Variants in C10orf90 observed in about 807,000 individuals in gnomAD.
The protein encoded by C10orf90 is chromosome 10 open reading frame 90.
In C10orf90, 56 loss-of-function variants were observed where a neutral mutation model predicts 62.5. The ratio of observed to expected loss-of-function variants is 0.90; its 90% CI spans 0.72 to 1.12. The LOEUF is 1.12. Among genes scored for constraint, C10orf90 ranks in the 50% most tolerant of loss-of-function variants. The probability of loss-of-function intolerance (pLI) is 0.00; values close to 1 mark genes in which losing one functional copy is unlikely to be tolerated. For synonymous variants in C10orf90, 386 were observed against 340.4 expected, an observed-to-expected ratio of 1.13 and a Z score of -1.47; for missense variants, 970 against 880.4, an observed-to-expected ratio of 1.10 and a Z score of -1.29.
rs935511560 is a variant in C10orf90, at chr10:126,453,279, G to A, written c.2188+5761C>T. On this transcript the variant is annotated intron_variant, in intron 7 of 9. Coordinates refer to ENST00000488181, the MANE Select transcript of C10orf90 (RefSeq NM_001350921.2). The surrounding 1 kb of genome is among the most constrained non-coding windows in gnomAD (Gnocchi z 4.9). Reference sequence around the variant, plus strand: ...GCAGCAGGGCCTCTCGCAGTGATTTGGTGTGGAGTATGCCCACCAGCTCTT... The same window carrying A: ...GCAGCAGGGCCTCTCGCAGTGATTTAGTGTGGAGTATGCCCACCAGCTCTT... Among the ~76,000 whole-genome samples the A allele has an allele frequency of 6.6e-6, 1 of 152,160 alleles. No homozygotes were observed. Among genetic ancestry groups the A allele is most frequent in the African/African-American group, 2.4e-5 (1 of 41,446 alleles).
chr10:126,564,836 A>C (rs1163265090), intron 2 of C10orf90, among the ~76,000 whole-genome samples: 4 of 3,854 alleles, frequency 1.0e-3, no homozygotes, highest in South Asian at 0.033. Flanking sequence ...CTCTCTCTAT[A>C]TATATATTAT....
At chr10:126,588,963 A>G (rs1489371131) in intron 2 of C10orf90, among the ~76,000 whole-genome samples, 1 of 152,186 alleles carries the variant, frequency 6.6e-6, no homozygotes, top group East Asian at 1.9e-4. Flanking sequence ...ATCATGATAA[A>G]ACAATACAGG....
At chr10:126,462,290 C>A (rs1293461453) in intron 5 of C10orf90, among the ~76,000 whole-genome samples, 1 of 152,134 alleles carries the variant, frequency 6.6e-6, no homozygotes, top group African/African-American at 2.4e-5. Flanking sequence ...CCACTACTTG[C>A]CTCACTGCAC....
intron 2 of C10orf90, among the ~76,000 whole-genome samples, chr10:126,579,255 A>ATTTC (rs200536716): frequency 1.2e-4 from 16 of 137,166 alleles, no homozygotes; most frequent in East Asian, 4.2e-4. Flanking sequence ...ACAAATCTAT[A>ATTTC]TTTCTTTCTT....
At chr10:126,429,207 G>A (rs1857432084) in intron 8 of C10orf90, among the ~76,000 whole-genome samples, 1 of 152,096 alleles carries the variant, frequency 6.6e-6, no homozygotes, top group Admixed American at 6.6e-5. Context: ...CATCAGATTG[G>A]TGAGAATTAG....
At position 126,599,846 on chromosome 10, in the gene C10orf90, C is replaced by T. The variant is rs150466337; in HGVS notation, c.313+46719G>A. On this transcript the variant is annotated intron_variant, in intron 2 of 9. Coordinates refer to ENST00000488181, the MANE Select transcript of C10orf90 (RefSeq NM_001350921.2). ...GTAATATCTGGATTACTTTTTCCATCCAGGAAAGCACTGGTGCGTTTTCAC... is the reference window on the plus strand; with the variant it reads ...GTAATATCTGGATTACTTTTTCCATTCAGGAAAGCACTGGTGCGTTTTCAC... 4.0e-3 allele frequency among the ~76,000 whole-genome samples: 611 copies of T among 152,296 alleles called. 3 individuals carry two copies. Among genetic ancestry groups the T allele is most frequent in the Non-Finnish European group, 7.5e-3 (513 of 68,036 alleles).
intron 2 of C10orf90, among the ~76,000 whole-genome samples, chr10:126,568,412 G>A (rs1167933066): frequency 1.3e-5 from 2 of 152,214 alleles, no homozygotes; most frequent in South Asian, 2.1e-4. Context: ...CTGCTCCTAG[G>A]GGTCTCCCTC....
At chr10:126,553,145 A>C (rs1254675405) in intron 2 of C10orf90, among the ~76,000 whole-genome samples, 1 of 152,212 alleles carries the variant, frequency 6.6e-6, no homozygotes, top group Non-Finnish European at 1.5e-5. Flanking sequence ...TCTGATTTTA[A>C]GAGAAAAAAG....
intron 4 of C10orf90, among the ~76,000 whole-genome samples, chr10:126,477,797 C>A (rs984913833): frequency 3.9e-5 from 6 of 152,190 alleles, no homozygotes; most frequent in African/African-American, 1.4e-4. Context: ...GCCATACATA[C>A]AATCTCTGCA....
intron 5 of C10orf90, among the ~76,000 whole-genome samples, chr10:126,462,065 G>A (rs1224930824): frequency 1.3e-5 from 2 of 152,108 alleles, no homozygotes; most frequent in Non-Finnish European, 2.9e-5. Flanking sequence ...TAATTGGGAT[G>A]ACTTCGCTTT....
intron 7 of C10orf90, among the ~76,000 whole-genome samples, chr10:126,450,373 GAC>G (rs1590923889): frequency 1.3e-5 from 2 of 152,116 alleles, no homozygotes; most frequent in East Asian, 3.9e-4. Flanking sequence ...ATCTGCAGAC[GAC>G]TCCAAATAGC....
intron 4 of C10orf90, among the ~76,000 whole-genome samples, chr10:126,500,397 A>G (rs1862307915): frequency 6.6e-6 from 1 of 152,216 alleles, no homozygotes; most frequent in South Asian, 2.1e-4. Context: ...GTGTTGTGTG[A>G]AAAATAAAGA....
At chr10:126,658,043 T>C (rs1846432049) in intron 1 of C10orf90, among the ~76,000 whole-genome samples, 1 of 152,200 alleles carries the variant, frequency 6.6e-6, no homozygotes, top group Admixed American at 6.5e-5. Flanking sequence ...ATTCACAGAC[T>C]TTGGGTGAAC....
At chr10:126,650,993 C>T (rs935480884) in intron 1 of C10orf90, among the ~76,000 whole-genome samples, 1 of 152,200 alleles carries the variant, frequency 6.6e-6, no homozygotes, top group Non-Finnish European at 1.5e-5. Flanking sequence ...ATCAACATCA[C>T]ATTGATCTAC....
At position 126,564,624 on chromosome 10, in the gene C10orf90, T is replaced by C. The variant is rs74373482; in HGVS notation, c.314-50685A>G. ...TGAAACCATAGCAACCTCCTCCATC[T>C]CATGTGGAAGTGGCCAGCCTTGCTC... On this transcript the variant is annotated intron_variant, in intron 2 of 9. Transcript: ENST00000488181. 1.3e-3 allele frequency among the ~76,000 whole-genome samples: 188 copies of C among 149,074 alleles called. 1 individual carries two copies. In the East Asian group the frequency reaches 0.026, roughly 21 times the overall value.
chr10:126,436,062 C>T (rs1353371955), intron 7 of C10orf90, among the ~76,000 whole-genome samples: 1 of 152,186 alleles, frequency 6.6e-6, no homozygotes, highest in Non-Finnish European at 1.5e-5. Context: ...CACACATCAC[C>T]TCCTAATTCA....
intron 3 of C10orf90, among the ~76,000 whole-genome samples, chr10:126,508,190 A>AGAGAGAGAGAGAGT (rs1427624756): frequency 4.8e-4 from 72 of 149,770 alleles, no homozygotes; most frequent in Admixed American, 1.3e-3. Flanking sequence ...AGAGAGAGAG[A>AGAGAGAGAGAGAGT]GTGTGTGTGT....
intron 7 of C10orf90, among the ~76,000 whole-genome samples, chr10:126,448,017 CTTTTTTTTT>C (rs1186409126): frequency 0.017 from 1,363 of 79,254 alleles, 10 homozygotes; most frequent in Non-Finnish European, 0.026. Flanking sequence ...ATGCCTGGCT[CTTTTTTTTT>C]TTTTTTTTTT....
chr10:126,482,368 G>A (rs931693787), intron 4 of C10orf90, among the ~76,000 whole-genome samples: 2 of 152,166 alleles, frequency 1.3e-5, no homozygotes, highest in Admixed American at 1.3e-4. Flanking sequence ...ATTGCCATGA[G>A]CAACAATGCA....
Sources: gnomAD v4.1 joint callset for allele counts (sites outside exome capture counted in the v4.1 genomes callset) on GRCh38, gnomAD v4.1.1 for gene constraint, Gnocchi (gnomAD v3.1) non-coding constraint, MANE v1.5 for transcripts, NCBI Gene and HGNC (gene_info 2026-07-23, HGNC 2026-07-21) for gene names.